The following DHX38 variants were observed in gnomAD, a reference collection of about 807,000 sequenced individuals.
DHX38 encodes the protein DEAH-box helicase 38, also known as pre-mRNA-splicing factor ATP-dependent RNA helicase PRP16.
In DHX38, 100 loss-of-function variants were observed where a neutral mutation model predicts 153.1. That is an observed-to-expected ratio of 0.65 (90% CI 0.56 to 0.77). DHX38 has a LOEUF of 0.77. DHX38 is among the 30% of genes least tolerant of loss of function. The probability of loss-of-function intolerance (pLI) is 0.00; values close to 1 mark genes in which losing one functional copy is unlikely to be tolerated. For synonymous variants in DHX38, 650 were observed against 631.7 expected (o/e 1.03, Z -0.43); for missense variants, 1,440 against 1,654.0 (o/e 0.87, Z 2.24).
In DHX38 at chr16:72,103,718, C is replaced by G. The variant is rs755422982; in HGVS notation, c.1754C>G (p.Pro585Arg). Residue 585 changes from proline to arginine, a missense_variant, in exon 13 of 27, where the codon CCC becomes CGC. Physicochemically the swap from Pro to Arg is moderately radical, Grantham distance 103. Transcript: ENST00000268482. Reference sequence around the variant, plus strand: ...TATGGGATGATTGGGTGTACCCAGCCCCGGCGTGTAGCTGCCATGTCAGTG... The same window carrying G: ...TATGGGATGATTGGGTGTACCCAGCGCCGGCGTGTAGCTGCCATGTCAGTG... The part of the protein sequence containing the change: ...TDYGMIGCTQ[P>R]RRVAAMSVAK... 1 of 1,614,066 alleles carries G rather than the reference C, an allele frequency of 6.2e-7. No homozygotes were observed. The highest frequency in any genetic ancestry group is 2.2e-5 in the East Asian group (1 of 44,870).
intron 9 of DHX38, 63 bp downstream of exon 9, chr16:72,100,660 G>T: frequency 6.3e-7 from 1 of 1,585,090 alleles, no homozygotes; most frequent in Non-Finnish European, 8.6e-7. Flanking sequence ...GCCAGGTGCA[G>T]TGGCTCATGC....
At position 72,106,132 on chromosome 16, in the gene DHX38, C is replaced by T. The variant is rs756220192; in HGVS notation, c.2600+15C>T. On this transcript the variant is annotated intron_variant, in intron 19 of 26. Coordinates refer to ENST00000268482, the MANE Select transcript of DHX38 (RefSeq NM_014003.4). ...CAGTGTTTCAGGTAGGAGCCCTGTG[C>T]TAGCCTGCTTTCTGGGGCAGCGCTG... The T allele has an allele frequency of 9.9e-6, 16 of 1,612,670 alleles. No homozygotes were observed. The highest frequency in any genetic ancestry group is 1.4e-5 in the Non-Finnish European group (16 of 1,179,090).
chr16:72,105,053 T>C lies in DHX38; in HGVS notation c.2178T>C (p.Ala726=). Residue 726 remains alanine (A), a synonymous_variant, in exon 16 of 27, where the codon GCT becomes GCC. Coordinates refer to ENST00000268482, the MANE Select transcript of DHX38 (RefSeq NM_014003.4). ...SKTPQEDYVE[A]AVKQSLQVHL... ...CCCCACAGGAGGATTACGTGGAGGCTGCAGTGAAGCAGTCCTTGCAGGTGC... is the reference window on the plus strand; with the variant it reads ...CCCCACAGGAGGATTACGTGGAGGCCGCAGTGAAGCAGTCCTTGCAGGTGC... 6.2e-7 allele frequency: 1 copy of C among 1,614,194 alleles called. No homozygotes were observed. Among genetic ancestry groups the C allele is most frequent in the Non-Finnish European group, 8.5e-7 (1 of 1,180,030 alleles).
chr16:72,098,541 A>C, intron 4 of DHX38, 104 bp from the exon 5 acceptor site: 1 of 1,435,858 alleles, frequency 7.0e-7, no homozygotes, highest in Non-Finnish European at 9.4e-7. Context: ...AGGTTTAGAA[A>C]TAGTAAAAGG....
At chr16:72,095,677 G>T (rs974132029) in intron 1 of DHX38, among the ~76,000 whole-genome samples, 3 of 152,186 alleles carry the variant, frequency 2.0e-5, no homozygotes, top group Non-Finnish European at 4.4e-5. Context: ...TAATAGATAT[G>T]AAATTATGGC....
chr16:72,105,290 C>T lies in DHX38; in HGVS notation c.2321C>T (p.Ala774Val). The part of the protein sequence containing the change: ...LEELENAPAL[A>V]VLPIYSQLPS... ...GAACTGGAGAACGCGCCTGCCCTGG[C>T]TGTGCTGCCCATCTACTCTCAGCTG... Residue 774 changes from alanine (A) to valine (V), a missense_variant, in exon 17 of 27, where the codon GCT becomes GTT. Physicochemically the swap from Ala to Val is moderately conservative, Grantham distance 64 (BLOSUM62 0). This residue lies in a region of DHX38 where 543 missense variants were observed against 717.9 expected (regional missense o/e 0.76). Transcript: ENST00000268482. 1 of 1,614,186 alleles carries T rather than the reference C, an allele frequency of 6.2e-7. No homozygotes were observed. Among genetic ancestry groups the T allele is most frequent in the Non-Finnish European group, 8.5e-7 (1 of 1,180,034 alleles).
chr16:72,105,762 A>G (rs1402977268), intron 18 of DHX38, 138 bp downstream of exon 18: 3 of 846,662 alleles, frequency 3.5e-6, no homozygotes, highest in East Asian at 2.6e-5. Flanking sequence ...GGAGGCTCAC[A>G]TTGACTCACT....
chr16:72,099,570 C>T lies in DHX38; in HGVS notation c.961-162C>T, dbSNP rs186272556. On this transcript the variant is annotated intron_variant, in intron 7 of 26. Coordinates refer to ENST00000268482, the MANE Select transcript of DHX38 (RefSeq NM_014003.4). ...TGTAGTTGCCCACTGTGGTTCTCCT[C>T]CAGATGGCATGTGTCTGCAGGGAGG... 7.5e-5 allele frequency among the ~76,000 whole-genome samples: 11 copies of T among 146,178 alleles called. 1 individual carries two copies. The highest frequency in any genetic ancestry group is 2.0e-4 in the East Asian group (1 of 5,052).
intron 24 of DHX38, 42 bp from the exon 25 acceptor site, chr16:72,109,373 G>A: frequency 6.3e-7 from 1 of 1,598,968 alleles, no homozygotes; most frequent in South Asian, 1.1e-5. Flanking sequence ...GAGGGACATT[G>A]GCCCTCCTGT....
chr16:72,100,556 G>A lies in DHX38; in HGVS notation c.1237G>A (p.Val413Met). The stretch of plus-strand genomic sequence containing the variant: ...GGTGCATCTGATGGTGCACAATCTG[G>A]TGCCTCCCTTTCTGGATGGGCGCAT... ...AKVHLMVHNL[V>M]PPFLDGRIVF... Residue 413 changes from valine to methionine, a missense_variant, in exon 9 of 27, where the codon GTG becomes ATG. Transcript: ENST00000268482. The A allele has an allele frequency of 6.2e-7, 1 of 1,614,088 alleles. No homozygotes were observed. The highest frequency in any genetic ancestry group is 8.5e-7 in the Non-Finnish European group (1 of 1,180,034).
At position 72,103,610 on chromosome 16, in the gene DHX38, G is replaced by A. The variant is rs926168195; in HGVS notation, c.1646G>A (p.Ser549Asn). The A allele has an allele frequency of 1.2e-5, 19 of 1,608,156 alleles. No homozygotes were observed. Among genetic ancestry groups the A allele is most frequent in the Non-Finnish European group, 1.5e-5 (18 of 1,175,016 alleles). Residue 549 changes from serine to asparagine, a missense_variant, in exon 13 of 27, where the codon AGC (serine) becomes AAC (asparagine). Ser to Asn is a conservative substitution (Grantham distance 46). Transcript: ENST00000268482. Reference sequence around the variant, plus strand: ...CCTGCTTGTCCTTGTAGAGACAACAGCATCGTGATCGTGGTTGGGGAGACG... The same window carrying A: ...CCTGCTTGTCCTTGTAGAGACAACAACATCGTGATCGTGGTTGGGGAGACG... ...QELLTIIRDN[S>N]IVIVVGETGS... is the part of the protein sequence containing the mutation.
rs2042146628 is a variant in DHX38, at chr16:72,104,566, G to A, written c.2091G>A (p.Gly697=). 5.0e-6 allele frequency: 8 copies of A among 1,614,068 alleles called. No individual in the cohort carries two copies. Among genetic ancestry groups the A allele is most frequent in the Non-Finnish European group, 6.8e-6 (8 of 1,180,012 alleles). The stretch of plus-strand genomic sequence containing the variant: ...CGGAGAAGTTTGCTGCCTTTTTTGG[G>A]AATGTCCCCATCTTCCACATCCCTG... The part of the protein sequence containing the change: ...MDAEKFAAFF[G]NVPIFHIPGR... The change falls in exon 15 of 27, where the codon GGG becomes GGA. Residue 697 remains glycine, a synonymous_variant. Transcript: ENST00000268482. The surrounding 1 kb of genome is among the most constrained non-coding windows in gnomAD (Gnocchi z 4.5).
chr16:72,103,032 T>C, intron 11 of DHX38, 42 bp from the exon 12 acceptor site: 2 of 1,607,672 alleles, frequency 1.2e-6, no homozygotes, highest in South Asian at 1.1e-5. Flanking sequence ...AAGGACAGCA[T>C]GGGGCACCAT....
intron 6 of DHX38, 49 bp from the exon 7 acceptor site, chr16:72,099,154 GC>G: frequency 6.3e-7 from 1 of 1,592,626 alleles, no homozygotes; most frequent in South Asian, 1.1e-5. Flanking sequence ...GTCTGGGGCC[GC>G]TGGGGACAGG....
intron 12 of DHX38, 29 bp downstream of exon 12, chr16:72,103,240 G>C (rs772951081): frequency 1.2e-6 from 2 of 1,608,356 alleles, no homozygotes; most frequent in Non-Finnish European, 8.5e-7. Context: ...CAGGAATCTA[G>C]TGTCAAGTCA....
At chr16:72,099,381 C>T (rs2042066613) in intron 7 of DHX38, 101 bp downstream of exon 7, 2 of 1,068,852 alleles carry the variant, frequency 1.9e-6, no homozygotes, top group African/African-American at 1.6e-5. Flanking sequence ...ACACCTGAGC[C>T]CTGTTCAGAC....
At position 72,100,332 on chromosome 16, in the gene DHX38, C is replaced by T. The variant is rs1211938716; in HGVS notation, c.1117-104C>T. ...GAGGCCTGTGACATCTTTGCAGCTA[C>T]CAGTGGCCTTCTGTCAGGACTTGAT... On this transcript the variant is annotated intron_variant, in intron 8 of 26. Transcript: ENST00000268482. 5.6e-6 allele frequency: 8 copies of T among 1,438,090 alleles called. No individual in the cohort carries two copies. The African/African-American group carries it at 8.5e-5, about 15-fold the overall frequency. The allele number at this position is 1,438,090 out of a possible 1,614,324, so 89.1% of individuals were successfully genotyped here.
chr16:72,098,827 G>C, intron 5 of DHX38, 35 bp downstream of exon 5: 1 of 1,613,186 alleles, frequency 6.2e-7, no homozygotes, highest in Non-Finnish European at 8.5e-7. Flanking sequence ...AGTTTCGCTG[G>C]GTGGGCGGTA....
intron 1 of DHX38, among the ~76,000 whole-genome samples, chr16:72,095,338 T>G (rs2041996433): frequency 6.6e-6 from 1 of 152,242 alleles, no homozygotes; most frequent in South Asian, 2.1e-4. Flanking sequence ...TTAAACTGAT[T>G]TTGGCTGCTG....
Sources: allele counts gnomAD v4.1 joint callset (sites outside exome capture counted in the v4.1 genomes callset), GRCh38; gene constraint gnomAD v4.1.1; regional missense constraint gnomAD v4.1.1; non-coding constraint Gnocchi (gnomAD v3.1); transcripts MANE v1.5; gene names NCBI Gene and HGNC (gene_info 2026-07-23, HGNC 2026-07-21).